The following ST8SIA1 variants were observed in gnomAD, a reference collection of about 807,000 sequenced individuals.
ST8SIA1 encodes alpha-N-acetylneuraminide alpha-2,8-sialyltransferase.
Under a neutral mutation model 35.9 loss-of-function variants are expected in ST8SIA1, and 16 were observed. The ratio of observed to expected loss-of-function variants is 0.45; its 90% confidence interval spans 0.30 to 0.68. ST8SIA1 has a LOEUF of 0.68. Ranked by LOEUF, ST8SIA1 falls within the 30% of genes least tolerant of loss-of-function variation. The pLI, the probability that ST8SIA1 is intolerant of heterozygous loss-of-function variation, is 0.09. For synonymous variants in ST8SIA1, 170 were observed against 169.6 expected (o/e 1.00, Z -0.02); for missense variants, 383 against 453.6 (o/e 0.84, Z 1.41).
At chr12:22,302,958 T>C (rs1011208590) in intron 1 of ST8SIA1, among the ~76,000 whole-genome samples, 10 of 152,150 alleles carry the variant, frequency 6.6e-5, no homozygotes, top group Non-Finnish European at 1.3e-4. Flanking sequence ...GGATGTCTTA[T>C]GTCTCCCTAA....
intron 1 of ST8SIA1, among the ~76,000 whole-genome samples, chr12:22,290,937 A>C (rs1387168834): frequency 6.6e-6 from 1 of 152,234 alleles, no homozygotes; most frequent in African/African-American, 2.4e-5. Context: ...TCAAATTGCC[A>C]GATCATTAAG....
rs922568793 is a variant in ST8SIA1, at chr12:22,303,867, C to CACACACACACACAT, written c.237-16575_237-16574insATGTGTGTGTGTGT. On this transcript the variant is annotated intron_variant, in intron 1 of 4. Transcript: ENST00000396037. ...CCTGCCACACACACACACACACACA[C>CACACACACACACAT]ACACACACACACACACACACAAAAG... Among the ~76,000 whole-genome samples the CACACACACACACAT allele has an allele frequency of 4.1e-4, 63 of 151,898 alleles. 1 individual carries two copies. The highest frequency in any genetic ancestry group is 1.5e-3 in the African/African-American group (61 of 41,406).
chr12:22,327,734 T>C (rs141593256), intron 1 of ST8SIA1, among the ~76,000 whole-genome samples: 6 of 152,120 alleles, frequency 3.9e-5, no homozygotes, highest in Non-Finnish European at 8.8e-5. Flanking sequence ...CTTATATAAA[T>C]ATCCTAAAAC....
intron 4 of ST8SIA1, among the ~76,000 whole-genome samples, chr12:22,245,527 G>A (rs1268475416): frequency 6.6e-6 from 1 of 152,206 alleles, no homozygotes; most frequent in Non-Finnish European, 1.5e-5. Flanking sequence ...CTGTGAAAAT[G>A]CTACTGTCTC....
intron 1 of ST8SIA1, among the ~76,000 whole-genome samples, chr12:22,321,929 C>A (rs946755681): frequency 6.6e-6 from 1 of 152,212 alleles, no homozygotes; most frequent in Non-Finnish European, 1.5e-5. Flanking sequence ...GCCAGCCTGC[C>A]TCTGTCTCTT....
At chr12:22,256,466 G>C (rs1330251656) in intron 2 of ST8SIA1, among the ~76,000 whole-genome samples, 1 of 152,070 alleles carries the variant, frequency 6.6e-6, no homozygotes, top group African/African-American at 2.4e-5. Context: ...AGTTCTTTAG[G>C]GAAAGACCTT....
At chr12:22,210,930 TG>T (rs1263585672) in intron 4 of ST8SIA1, among the ~76,000 whole-genome samples, 1 of 152,174 alleles carries the variant, frequency 6.6e-6, no homozygotes, top group East Asian at 1.9e-4. Flanking sequence ...AACACCAAGC[TG>T]TAACCAATCG....
In ST8SIA1 at chr12:22,201,446, C is replaced by T. The variant is rs973053511; in HGVS notation, c.*106G>A. 9.1e-6 allele frequency: 13 copies of T among 1,432,234 alleles called. No homozygotes were observed. The highest frequency in any genetic ancestry group is 1.4e-5 in the African/African-American group (1 of 69,794). 88.7% of individuals were successfully genotyped at this position (1,432,234 alleles called of 1,614,324 possible). ...CTTCATTGCTCCTTTCCTGTTTTTCCAAGGGCCCATGCAAACTCATGAAAC... is the reference window on the plus strand; with the variant it reads ...CTTCATTGCTCCTTTCCTGTTTTTCTAAGGGCCCATGCAAACTCATGAAAC... On this transcript the variant is annotated 3_prime_UTR_variant, in exon 5 of 5. Coordinates refer to ENST00000396037, the MANE Select transcript of ST8SIA1 (RefSeq NM_003034.4).
chr12:22,312,988 A>G, intron 1 of ST8SIA1, among the ~76,000 whole-genome samples: 1 of 152,288 alleles, frequency 6.6e-6, no homozygotes, highest in East Asian at 1.9e-4. Flanking sequence ...TAACTTTTAA[A>G]TTTGAGACAT....
intron 1 of ST8SIA1, among the ~76,000 whole-genome samples, chr12:22,301,416 A>C (rs1162159917): frequency 7.5e-6 from 1 of 133,724 alleles, no homozygotes; most frequent in East Asian, 2.0e-4. Context: ...TTTGTTTTTC[A>C]GAGTAAAGGA....
intron 1 of ST8SIA1, among the ~76,000 whole-genome samples, chr12:22,320,859 AAAAAG>A (rs1866577886): frequency 6.6e-6 from 1 of 150,434 alleles, no homozygotes; most frequent in South Asian, 2.1e-4. Flanking sequence ...GAGAGAAGAA[AAAAAG>A]AAAGAAAGAA....
At chr12:22,219,093 C>T (rs951085503) in intron 4 of ST8SIA1, among the ~76,000 whole-genome samples, 4 of 152,148 alleles carry the variant, frequency 2.6e-5, no homozygotes, top group African/African-American at 9.6e-5. Context: ...TTTAAAACAA[C>T]TGATAGAACT....
chr12:22,214,316 C>A (rs1865210308), intron 4 of ST8SIA1, among the ~76,000 whole-genome samples: 1 of 151,870 alleles, frequency 6.6e-6, no homozygotes, highest in Non-Finnish European at 1.5e-5. Context: ...ATATGAGAGT[C>A]ATTAAAGGTA....
At chr12:22,318,313 C>T (rs925840758) in intron 1 of ST8SIA1, among the ~76,000 whole-genome samples, 3 of 152,236 alleles carry the variant, frequency 2.0e-5, no homozygotes, top group Non-Finnish European at 2.9e-5. Context: ...TTTTTGGGTG[C>T]GCAGAAGTCT....
At chr12:22,326,087 A>G (rs767040799) in intron 1 of ST8SIA1, 1 of 474,804 alleles carries the variant, frequency 2.1e-6, no homozygotes, top group African/African-American at 2.0e-5. Flanking sequence ...ACCATAGACA[A>G]CTGAAGCCAT....
intron 2 of ST8SIA1, among the ~76,000 whole-genome samples, chr12:22,281,908 G>A (rs944228081): frequency 3.3e-5 from 5 of 151,958 alleles, no homozygotes; most frequent in Admixed American, 6.6e-5. Context: ...CTTGGGAGGT[G>A]GAGGTGGGAG....
chr12:22,266,255 T>TA (rs990171974), intron 2 of ST8SIA1, among the ~76,000 whole-genome samples: 31 of 151,498 alleles, frequency 2.0e-4, no homozygotes, highest in African/African-American at 5.8e-4. Context: ...CAAGGAATGC[T>TA]AAAAAAAACT....
At chr12:22,259,020 TG>T (rs1287492823) in intron 2 of ST8SIA1, among the ~76,000 whole-genome samples, 2 of 152,206 alleles carry the variant, frequency 1.3e-5, no homozygotes, top group Admixed American at 6.5e-5. Context: ...TATGAGTTTG[TG>T]GATGTCAAGC....
chr12:22,261,188 A>G (rs1055747640), intron 2 of ST8SIA1, among the ~76,000 whole-genome samples: 6 of 152,322 alleles, frequency 3.9e-5, no homozygotes, highest in Admixed American at 6.5e-5. Flanking sequence ...TCTGTCACCC[A>G]GGCTGGAGTG....
Sources: allele counts gnomAD v4.1 joint callset (sites outside exome capture counted in the v4.1 genomes callset), GRCh38; gene constraint gnomAD v4.1.1; transcripts MANE v1.5; gene names NCBI Gene and HGNC (gene_info 2026-07-23, HGNC 2026-07-21).